Variants in NOS2 observed in about 807,000 individuals in gnomAD.
The protein encoded by NOS2 is nitric oxide synthase 2, also known as nitric oxide synthase, inducible.
Under a neutral mutation model 136.0 loss-of-function variants are expected in NOS2, and 96 were observed. The ratio of observed to expected loss-of-function variants is 0.71; its 90% CI spans 0.60 to 0.84. The LOEUF (loss-of-function observed/expected upper bound fraction) is 0.84, where lower values mean the gene tolerates loss of function less well. Ranked by LOEUF, NOS2 falls within the 40% of genes least tolerant of loss-of-function variation. The pLI is 0.00. For synonymous variants in NOS2, 539 were observed against 587.5 expected (o/e 0.92, Z 1.20); for missense variants, 1,237 against 1,496.9 (o/e 0.83, Z 2.87).
At chr17:27,764,475 G>A (rs538942611) in intron 20 of NOS2, among the ~76,000 whole-genome samples, 1 of 152,332 alleles carries the variant, frequency 6.6e-6, no homozygotes, top group East Asian at 1.9e-4. Flanking sequence ...AAAGACTAAT[G>A]GATACCTCAC....
intron 26 of NOS2, among the ~76,000 whole-genome samples, chr17:27,758,403 G>C (rs1164743559): frequency 6.6e-6 from 1 of 152,214 alleles, no homozygotes; most frequent in Non-Finnish European, 1.5e-5. Flanking sequence ...AGTATGCCCA[G>C]TGTAAGCCCT....
intron 9 of NOS2, among the ~76,000 whole-genome samples, chr17:27,780,432 AG>A (rs1908804965): frequency 6.6e-6 from 1 of 152,224 alleles, no homozygotes. Flanking sequence ...GAGCATTGGC[AG>A]GAGGGCAGAA....
intron 2 of NOS2, among the ~76,000 whole-genome samples, chr17:27,795,332 C>T (rs1415010916): frequency 6.6e-6 from 1 of 152,166 alleles, no homozygotes; most frequent in Admixed American, 6.5e-5. Flanking sequence ...AGGAATTGAC[C>T]TCCAGTAAGT....
chr17:27,766,565 T>G lies in NOS2; in HGVS notation c.2191A>C (p.Asn731His). 6.2e-7 allele frequency: 1 copy of G among 1,614,108 alleles called. No individual in the cohort carries two copies. The highest frequency in any genetic ancestry group is 1.1e-5 in the South Asian group (1 of 91,084). Residue 731 changes from asparagine to histidine, a missense_variant, in exon 19 of 27, where the codon AAC becomes CAC. By Grantham distance (68) the Asn-to-His change is moderately conservative (BLOSUM62 1). Transcript: ENST00000313735. ...SKALSSMHAK[N>H]VFTMRLKSRQ... is the part of the protein sequence containing the mutation. ...GATTTGAGCCTCATGGTGAACACGT[T>G]CTTGGCATGCATGCTGCTGAGGGCT... is the stretch of plus-strand genomic sequence containing the variant.
intron 7 of NOS2, among the ~76,000 whole-genome samples, chr17:27,781,785 C>T (rs1227010474): frequency 6.6e-6 from 1 of 152,210 alleles, no homozygotes; most frequent in African/African-American, 2.4e-5. Flanking sequence ...CTCCAAGTGG[C>T]TCCACATCAG....
At chr17:27,791,318 A>T (rs1480781602) in intron 2 of NOS2, among the ~76,000 whole-genome samples, 1 of 152,172 alleles carries the variant, frequency 6.6e-6, no homozygotes, top group Non-Finnish European at 1.5e-5. Context: ...GGCCCATCCA[A>T]GCATTTCCTT....
At chr17:27,789,385 T>A (rs562703336) in intron 3 of NOS2, among the ~76,000 whole-genome samples, 1 of 152,172 alleles carries the variant, frequency 6.6e-6, no homozygotes, top group African/African-American at 2.4e-5. Context: ...TCAGTGCACC[T>A]TGGGGGCCAC....
intron 13 of NOS2, 51 bp from the exon 14 acceptor site, chr17:27,772,503 G>T: frequency 6.2e-7 from 1 of 1,603,288 alleles, no homozygotes; most frequent in Admixed American, 1.7e-5. Context: ...CAGCCTTCCA[G>T]AAGAAAATGG....
In NOS2 at chr17:27,778,958, G is replaced by A. The variant is rs980196961; in HGVS notation, c.1103C>T (p.Pro368Leu). 1.2e-6 allele frequency: 2 copies of A among 1,612,868 alleles called. No individual in the cohort carries two copies. Among genetic ancestry groups the A allele is most frequent in the Non-Finnish European group, 1.7e-6 (2 of 1,179,246 alleles). The change falls in exon 10 of 27, where the codon CCC becomes CTC. Residue 368 changes from proline (P) to leucine (L), a missense_variant. Pro to Leu is a moderately conservative substitution (Grantham distance 98, BLOSUM62 -3). Around this residue, in one of 3 missense-constraint regions of NOS2, gnomAD observed 440 missense variants for 545.4 expected, o/e 0.81. Transcript: ENST00000313735. The part of the protein sequence containing the change: ...EVGGLEFPGC[P>L]FNGWYMGTEI... ...TGTGCCCATGTACCAGCCATTGAAGGGGCACCCTGGGAACTCCAGGCCGCC... is the reference window on the plus strand; with the variant it reads ...TGTGCCCATGTACCAGCCATTGAAGAGGCACCCTGGGAACTCCAGGCCGCC...
intron 15 of NOS2, among the ~76,000 whole-genome samples, chr17:27,769,975 G>C (rs1318585060): frequency 6.6e-6 from 1 of 152,224 alleles, no homozygotes; most frequent in Non-Finnish European, 1.5e-5. Flanking sequence ...AATAAGGCTG[G>C]CTTTCCAGGA....
chr17:27,764,283 A>G (rs1908227213), intron 20 of NOS2, 139 bp from the exon 21 acceptor site: 1 of 521,190 alleles, frequency 1.9e-6, no homozygotes, highest in Non-Finnish European at 3.4e-6. Context: ...CTCTAAGAGC[A>G]AAAGGCAGGA....
rs373564695 is a variant in NOS2 at position 27,783,118 on chromosome 17, G to T, written c.468-12C>A. 4 of 1,613,766 alleles carry T rather than the reference G, an allele frequency of 2.5e-6. No homozygotes were observed. Among genetic ancestry groups the T allele is most frequent in the Non-Finnish European group, 3.4e-6 (4 of 1,179,838 alleles). On this transcript the variant is annotated splice_polypyrimidine_tract_variant and intron_variant, in intron 5 of 26. Transcript: ENST00000313735. ...CCTCTATTTTTGCCCTGGGGGACAG[G>T]AAGACAGCAGGAAGATCAACAATGA...
chr17:27,774,913 G>A (rs1258408362), intron 11 of NOS2, among the ~76,000 whole-genome samples: 1 of 152,196 alleles, frequency 6.6e-6, no homozygotes, highest in African/African-American at 2.4e-5. Flanking sequence ...CCCCTCCGTG[G>A]GGAGGTCTGA....
intron 14 of NOS2, 106 bp downstream of exon 14, chr17:27,772,202 C>T (rs368436220): frequency 8.0e-6 from 10 of 1,250,758 alleles, no homozygotes; most frequent in South Asian, 5.5e-5. Flanking sequence ...CACATTACCA[C>T]ATCCAAGACT....
chr17:27,762,571 C>T (rs532934947), intron 22 of NOS2, among the ~76,000 whole-genome samples: 1 of 152,212 alleles, frequency 6.6e-6, no homozygotes. Flanking sequence ...GTAAAATGCA[C>T]ACAGTGCCTA....
In NOS2 at chr17:27,762,826, A is replaced by AGTCAGG; in HGVS notation, c.2766_2771dup (p.Leu923_Thr924dup). On this transcript the variant is annotated inframe_insertion, in exon 22 of 27. Transcript: ENST00000313735. ...GGGTGTGGTAGGTGACCACGGCCAC[A>AGTCAGG]GTCAGGTGGATCTCTGTGGGCGTGT... 6.4e-7 allele frequency: 1 copy of AGTCAGG among 1,557,138 alleles called. No individual in the cohort carries two copies. The highest frequency in any genetic ancestry group is 8.7e-7 in the Non-Finnish European group (1 of 1,151,228).
chr17:27,777,101 T>C (rs2151330126), intron 11 of NOS2, among the ~76,000 whole-genome samples: 1 of 152,328 alleles, frequency 6.6e-6, no homozygotes, highest in Middle Eastern at 3.4e-3. Flanking sequence ...CGGGGGGCTC[T>C]TCCTGTTCCA....
At chr17:27,768,806 G>A (rs1277248580) in intron 17 of NOS2, among the ~76,000 whole-genome samples, 171 bp downstream of exon 17, 1 of 152,228 alleles carries the variant, frequency 6.6e-6, no homozygotes, top group Non-Finnish European at 1.5e-5. Context: ...GGCTGAGGGA[G>A]AGCAGCAGTG....
chr17:27,790,823 G>A (rs759273829), intron 2 of NOS2, among the ~76,000 whole-genome samples: 1 of 152,108 alleles, frequency 6.6e-6, no homozygotes, highest in Non-Finnish European at 1.5e-5. Context: ...GGTTCATTCC[G>A]GCGAACTGAA....
Sources: gnomAD v4.1 joint callset for allele counts (sites outside exome capture counted in the v4.1 genomes callset) on GRCh38, gnomAD v4.1.1 for gene constraint, gnomAD v4.1.1 regional missense constraint, MANE v1.5 for transcripts, NCBI Gene and HGNC (gene_info 2026-07-23, HGNC 2026-07-21) for gene names.